ASPH: variants seen among roughly 807,000 people sequenced by gnomAD.
The protein encoded by ASPH is aspartyl/asparaginyl beta-hydroxylase.
Under a neutral mutation model 118.4 loss-of-function variants are expected in ASPH, and 100 were observed. That is an observed-to-expected ratio of 0.84 (90% confidence interval 0.72 to 1.00). The LOEUF (loss-of-function observed/expected upper bound fraction) is 1.00, where lower values mean the gene tolerates loss of function less well. Ranked by LOEUF, ASPH falls within the 50% of genes least tolerant of loss-of-function variation. ASPH has a pLI of 0.00. For synonymous variants in ASPH, 315 were observed against 325.6 expected (o/e 0.97, Z 0.35); for missense variants, 920 against 919.5 (o/e 1.00, Z -0.01).
At chr8:61,562,384 T>G (rs1587172851) in intron 18 of ASPH, among the ~76,000 whole-genome samples, 1 of 88,334 alleles carries the variant, frequency 1.1e-5, no homozygotes, top group East Asian at 2.7e-4. Context: ...AAAAGGAAAG[T>G]GTGTCTGTGT....
chr8:61,628,440 A>G, intron 13 of ASPH: 1 of 286,542 alleles, frequency 3.5e-6, no homozygotes, highest in Non-Finnish European at 6.8e-6. Flanking sequence ...AAGTGCTGAC[A>G]CTACATGCGT....
intron 13 of ASPH, among the ~76,000 whole-genome samples, chr8:61,628,599 C>T (rs115395643): frequency 1.7e-3 from 258 of 152,232 alleles, no homozygotes; most frequent in African/African-American, 5.9e-3. Context: ...GCTTCCTCTG[C>T]TCTCCTCCTG....
At chr8:61,598,212 A>G (rs573228156) in intron 14 of ASPH, among the ~76,000 whole-genome samples, 3 of 152,332 alleles carry the variant, frequency 2.0e-5, no homozygotes, top group East Asian at 1.9e-4. Flanking sequence ...CACATACCAC[A>G]ACTATATTCT....
chr8:61,665,745 A>G, intron 3 of ASPH: 12 of 881,776 alleles, frequency 1.4e-5, no homozygotes, highest in Non-Finnish European at 2.0e-5. Context: ...ACTTTAATTC[A>G]CTAGTCTTTA....
chr8:61,683,270 T>C (rs542530887), intron 2 of ASPH, among the ~76,000 whole-genome samples: 3 of 151,700 alleles, frequency 2.0e-5, no homozygotes, highest in Non-Finnish European at 2.9e-5. Flanking sequence ...ATGATGAATA[T>C]AGTAAAAAAA....
rs905315861 is a variant in ASPH, at chr8:61,589,990, T to G, written c.977-5961A>C. On this transcript the variant is annotated intron_variant, in intron 14 of 24. Transcript: ENST00000379454. ...GCCAGAGGAGAGAGTATTTATTTTG[T>G]AACTCAATCACAATCAGGAATTTGA... 7.2e-5 allele frequency among the ~76,000 whole-genome samples: 11 copies of G among 152,324 alleles called. No homozygotes were observed. In the East Asian group the frequency reaches 2.1e-3, roughly 29 times the overall value.
At chr8:61,536,992 C>T (rs1194567430) in intron 21 of ASPH, among the ~76,000 whole-genome samples, 1 of 152,094 alleles carries the variant, frequency 6.6e-6, no homozygotes, top group African/African-American at 2.4e-5. Flanking sequence ...ATGACTTTTG[C>T]TCGTTCTAGT....
Position 61,714,258 on chromosome 8 carries a change from G to C in ASPH, c.103+11C>G, listed in dbSNP as rs1838833801. ...CGAGGCCCCAGATCCCCGCCCCGCA[G>C]GGCCTCTGACCTCTCCGGGCCCCGG... On this transcript the variant is annotated intron_variant, in intron 1 of 24. Transcript: ENST00000379454. 1.3e-6 allele frequency: 2 copies of C among 1,487,950 alleles called. No homozygotes were observed. The highest frequency in any genetic ancestry group is 2.3e-5 in the Admixed American group (1 of 44,444). 92.2% of individuals were successfully genotyped at this position (1,487,950 alleles called of 1,614,324 possible).
intron 1 of ASPH, among the ~76,000 whole-genome samples, chr8:61,689,166 AT>A (rs1831755209): frequency 6.6e-6 from 1 of 152,216 alleles, no homozygotes; most frequent in Admixed American, 6.5e-5. Context: ...TAAAGAGTCA[AT>A]TTAAAATCAA....
At chr8:61,638,255 T>A (rs994760544) in intron 11 of ASPH, 67 bp downstream of exon 11, 1 of 1,539,380 alleles carries the variant, frequency 6.5e-7, no homozygotes, top group Non-Finnish European at 8.8e-7. Flanking sequence ...GTTCCACAGG[T>A]AGGAGTTTTA....
intron 24 of ASPH, chr8:61,517,129 T>C (rs1435088111): frequency 6.1e-6 from 1 of 164,890 alleles, no homozygotes; most frequent in Non-Finnish European, 1.3e-5. Flanking sequence ...ATAAATATCA[T>C]GGGGTGAGTT....
intron 21 of ASPH, among the ~76,000 whole-genome samples, chr8:61,538,215 G>A (rs1250341827): frequency 1.3e-5 from 2 of 152,174 alleles, no homozygotes; most frequent in Non-Finnish European, 2.9e-5. Context: ...AAACAAATCT[G>A]TTTCTAATTA....
At chr8:61,701,623 G>C (rs527836785) in intron 1 of ASPH, among the ~76,000 whole-genome samples, 2 of 152,242 alleles carry the variant, frequency 1.3e-5, no homozygotes, top group Admixed American at 1.3e-4. Flanking sequence ...ATATTTACTG[G>C]TTACAACTAA....
At chr8:61,539,756 C>T (rs188384185) in intron 21 of ASPH, among the ~76,000 whole-genome samples, 4 of 72,140 alleles carry the variant, frequency 5.5e-5, no homozygotes, top group Admixed American at 3.1e-4. Context: ...CCCTCTCCTG[C>T]GCTGCTTATG....
intron 3 of ASPH, among the ~76,000 whole-genome samples, chr8:61,666,698 G>A (rs1819797917): frequency 6.6e-6 from 1 of 152,106 alleles, no homozygotes; most frequent in African/African-American, 2.4e-5. Flanking sequence ...TCCATTAACT[G>A]AATTTCCTGG....
chr8:61,548,160 C>T lies in ASPH; in HGVS notation c.1675G>A (p.Val559Ile). The part of the protein sequence containing the change: ...LGHKRGHFAS[V>I]WQRSLYNVNG... ...ACATTGTAGAGTGAGCGTTGCCAGACAGATGCAAAGTGTCCTCTCTTGTGC... is the reference window on the plus strand; with the variant it reads ...ACATTGTAGAGTGAGCGTTGCCAGATAGATGCAAAGTGTCCTCTCTTGTGC... Residue 559 changes from valine to isoleucine, a missense_variant, in exon 21 of 25, where the codon GTC becomes ATC. Coordinates refer to ENST00000379454, the MANE Select transcript of ASPH (RefSeq NM_004318.4). 6.2e-7 allele frequency: 1 copy of T among 1,613,970 alleles called. No individual in the cohort carries two copies. The highest frequency in any genetic ancestry group is 8.5e-7 in the Non-Finnish European group (1 of 1,179,894).
intron 14 of ASPH, among the ~76,000 whole-genome samples, chr8:61,588,522 A>G (rs1234515876): frequency 1.3e-5 from 2 of 152,218 alleles, no homozygotes; most frequent in Admixed American, 1.3e-4. Context: ...TACCCATTCC[A>G]CTGAAGACAG....
intron 3 of ASPH, chr8:61,675,829 T>C (rs1166515773): frequency 5.9e-5 from 76 of 1,299,002 alleles, no homozygotes; most frequent in Non-Finnish European, 7.1e-5. Context: ...AAGAACATCA[T>C]TTTCAGTGTA....
chr8:61,557,491 C>A (rs77494764), intron 18 of ASPH, among the ~76,000 whole-genome samples: 17,226 of 152,174 alleles, frequency 0.11, 992 homozygotes, highest in African/African-American at 0.12. Flanking sequence ...CTCCGTGAAG[C>A]CTACCCCTGA....
Sources: allele counts gnomAD v4.1 joint callset (sites outside exome capture counted in the v4.1 genomes callset), GRCh38; gene constraint gnomAD v4.1.1; transcripts MANE v1.5; gene names NCBI Gene and HGNC (gene_info 2026-07-23, HGNC 2026-07-21).